ZFR: variants seen among roughly 807,000 people sequenced by gnomAD.
ZFR encodes the protein zinc finger RNA binding protein.
Under a neutral mutation model 130.7 loss-of-function variants are expected in ZFR, and 19 were observed. The ratio of observed to expected loss-of-function variants is 0.15; its 90% CI spans 0.10 to 0.21. The LOEUF is 0.21. Among genes scored for constraint, ZFR ranks in the 10% least tolerant of loss-of-function variants. The pLI is 1.00. For missense variants in ZFR, 872 were observed against 1,321.5 expected (o/e 0.66, Z 5.27); for synonymous variants, 466 against 456.9 (o/e 1.02, Z -0.25).
chr5:32,383,927 TTCC>T (rs1418035085), intron 15 of ZFR: 1 of 356,692 alleles, frequency 2.8e-6, no homozygotes, highest in African/African-American at 2.1e-5. Flanking sequence ...ACTGACCATT[TTCC>T]TCATCATAAT....
chr5:32,376,552 C>T (rs1752813913), intron 17 of ZFR, among the ~76,000 whole-genome samples: 1 of 151,346 alleles, frequency 6.6e-6, no homozygotes, highest in Non-Finnish European at 1.5e-5. Context: ...GATAGCCGTA[C>T]TGTACTACAG....
Position 32,436,306 on chromosome 5 carries a change from G to A in ZFR, c.137+7923C>T, listed in dbSNP as rs1196039269. Among the ~76,000 whole-genome samples the A allele has an allele frequency of 5.3e-5, 8 of 150,986 alleles. 1 individual carries two copies. The East Asian group carries it at 1.2e-3, about 22-fold the overall frequency. On this transcript the variant is annotated intron_variant, in intron 2 of 19. Coordinates refer to ENST00000265069, the MANE Select transcript of ZFR (RefSeq NM_016107.5). ...TGGGACTACAGGCGCCCACCACCAC[G>A]CCCGGCTGATTTTTTTTTTTATTTT... is the stretch of plus-strand genomic sequence containing the variant.
intron 2 of ZFR, among the ~76,000 whole-genome samples, chr5:32,422,167 T>C (rs1753972159): frequency 6.6e-6 from 1 of 151,972 alleles, no homozygotes; most frequent in Non-Finnish European, 1.5e-5. Flanking sequence ...CAGGTGGGAA[T>C]AGGATGGGAA....
intron 4 of ZFR, among the ~76,000 whole-genome samples, chr5:32,417,121 T>TTA (rs1554073786): frequency 8.7e-6 from 1 of 114,684 alleles, no homozygotes; most frequent in Admixed American, 9.5e-5. Context: ...AGTCTCTCTC[T>TTA]AAAAAAAAAA....
chr5:32,401,985 GAATT>G (rs1374657539), intron 8 of ZFR, among the ~76,000 whole-genome samples: 5 of 152,184 alleles, frequency 3.3e-5, no homozygotes. Context: ...CTCTTCTCAT[GAATT>G]AATGGGTTAG....
chr5:32,414,532 T>G (rs1412678940), intron 5 of ZFR, among the ~76,000 whole-genome samples: 1 of 152,252 alleles, frequency 6.6e-6, no homozygotes, highest in African/African-American at 2.4e-5. Context: ...TAGAAAGGGC[T>G]ACCCAACATT....
At chr5:32,398,558 A>G (rs1753370807) in intron 9 of ZFR, among the ~76,000 whole-genome samples, 2 of 152,236 alleles carry the variant, frequency 1.3e-5, no homozygotes, top group African/African-American at 4.8e-5. Context: ...TTTTTGAGAT[A>G]ATCAAATCTT....
At chr5:32,402,976 G>A in intron 8 of ZFR, 130 bp downstream of exon 8, 1 of 851,060 alleles carries the variant, frequency 1.2e-6, no homozygotes, top group South Asian at 1.7e-5. Context: ...AGGCAGATAT[G>A]TGAAGAAACA....
chr5:32,431,950 G>A (rs904952414), intron 2 of ZFR, among the ~76,000 whole-genome samples: 2 of 151,570 alleles, frequency 1.3e-5, no homozygotes, highest in African/African-American at 2.4e-5. Context: ...TCAGCCTCCC[G>A]AGTAGCAGCT....
chr5:32,419,560 A>G (rs1027627494), intron 3 of ZFR, among the ~76,000 whole-genome samples: 3 of 151,566 alleles, frequency 2.0e-5, no homozygotes, highest in Non-Finnish European at 4.4e-5. Context: ...CTGGTCTTGA[A>G]CTCCTGACCT....
At chr5:32,409,956 G>A (rs1365637915) in intron 5 of ZFR, among the ~76,000 whole-genome samples, 2 of 151,846 alleles carry the variant, frequency 1.3e-5, no homozygotes, top group Non-Finnish European at 2.9e-5. Context: ...CTGGGTGACA[G>A]AATGAGACCC....
chr5:32,363,943 A>G lies in ZFR; in HGVS notation c.3045+5T>C. On this transcript the variant is annotated splice_donor_5th_base_variant and intron_variant, in intron 19 of 19. Coordinates refer to ENST00000265069, the MANE Select transcript of ZFR (RefSeq NM_016107.5). ...ATAGGGCTCTGAATTTAGGAATACC[A>G]GTACCTGTGCACTGGATGTGATGTC... The G allele has an allele frequency of 1.2e-6, 2 of 1,612,894 alleles. No homozygotes were observed. The highest frequency in any genetic ancestry group is 1.7e-6 in the Non-Finnish European group (2 of 1,179,134).
intron 17 of ZFR, among the ~76,000 whole-genome samples, chr5:32,373,015 A>C (rs2111687945): frequency 6.6e-6 from 1 of 152,350 alleles, no homozygotes; most frequent in Middle Eastern, 3.4e-3. Context: ...CAAATAGCAG[A>C]CTACATTTTT....
chr5:32,406,035 T>C (rs1368152911), intron 6 of ZFR, among the ~76,000 whole-genome samples: 2 of 152,186 alleles, frequency 1.3e-5, no homozygotes, highest in East Asian at 3.8e-4. Context: ...AACATGCCTT[T>C]TATCTGCCAA....
intron 19 of ZFR, among the ~76,000 whole-genome samples, chr5:32,362,160 G>C (rs755546049): frequency 2.0e-5 from 3 of 152,072 alleles, no homozygotes; most frequent in Non-Finnish European, 4.4e-5. Context: ...AATCATCATC[G>C]AGGATTAAAG....
At chr5:32,398,833 G>A (rs897890766) in intron 9 of ZFR, among the ~76,000 whole-genome samples, 3 of 151,844 alleles carry the variant, frequency 2.0e-5, no homozygotes, top group Non-Finnish European at 2.9e-5. Context: ...ACAAGTGTGC[G>A]CAACTACTGG....
intron 2 of ZFR, among the ~76,000 whole-genome samples, chr5:32,434,023 T>C (rs1581717583): frequency 6.6e-6 from 1 of 152,240 alleles, no homozygotes; most frequent in Non-Finnish European, 1.5e-5. Flanking sequence ...TGAGCCAAGA[T>C]TGTGCCACTG....
intron 2 of ZFR, among the ~76,000 whole-genome samples, chr5:32,422,952 G>C (rs1753989223): frequency 6.6e-6 from 1 of 151,878 alleles, no homozygotes; most frequent in Non-Finnish European, 1.5e-5. Flanking sequence ...TCAAGAAATG[G>C]CCAGCTCCTT....
chr5:32,364,963 C>T (rs1752510706), intron 17 of ZFR: 1 of 152,110 alleles, frequency 6.6e-6, no homozygotes, highest in Non-Finnish European at 1.5e-5. Context: ...TCATGATCTC[C>T]AAAAGAAACC....
Sources: allele counts gnomAD v4.1 joint callset (sites outside exome capture counted in the v4.1 genomes callset), GRCh38; gene constraint gnomAD v4.1.1; transcripts MANE v1.5; gene names NCBI Gene and HGNC (gene_info 2026-07-23, HGNC 2026-07-21).